Variants in TSPAN32 observed in about 807,000 individuals in gnomAD.
TSPAN32 encodes the protein tetraspanin-32.
In TSPAN32, 47 loss-of-function variants were observed where a neutral mutation model predicts 42.7. The ratio of observed to expected loss-of-function variants is 1.10; its 90% CI spans 0.87 to 1.40. TSPAN32 has a LOEUF of 1.40. TSPAN32 is among the 40% of genes most tolerant of loss of function. The pLI is 0.00. For missense variants in TSPAN32, 469 were observed against 424.1 expected, an observed-to-expected ratio of 1.11 and a Z score of -0.93; for synonymous variants, 175 against 175.9, an observed-to-expected ratio of 0.99 and a Z score of 0.04.
At position 2,317,945 on chromosome 11, in the gene TSPAN32, C is replaced by T; in HGVS notation, c.*21C>T. The T allele has an allele frequency of 1.1e-6, 1 of 888,754 alleles. No homozygotes were observed. The allele number at this position is 888,754 out of a possible 1,614,324, so 55.1% of individuals were successfully genotyped here. A position where few individuals can be genotyped will look rare whatever the true frequency, so the allele number is the denominator to read the frequency against. ...ACTGACGTCAGGCCTTGGTGGGCTG[C>T]ACTCTCACCTGGAGGCTCCGGGGAA... On this transcript the variant is annotated 3_prime_UTR_variant, in exon 10 of 10. Coordinates refer to ENST00000182290, the MANE Select transcript of TSPAN32 (RefSeq NM_139022.3). The surrounding 1 kb of genome is among the most constrained non-coding windows in gnomAD (Gnocchi z 6.2).
intron 5 of TSPAN32, among the ~76,000 whole-genome samples, chr11:2,314,111 C>T (rs1251203161): frequency 2.6e-5 from 4 of 151,424 alleles, no homozygotes; most frequent in Non-Finnish European, 5.9e-5. Flanking sequence ...TTGCTTGAGC[C>T]CAGGAGTTCG....
intron 2 of TSPAN32, 120 bp downstream of exon 2, chr11:2,303,078 G>A (rs550794098): frequency 5.4e-6 from 5 of 917,598 alleles, no homozygotes; most frequent in Non-Finnish European, 8.2e-6. Flanking sequence ...GGAGCCAGAG[G>A]TGGTCAGGGG....
At chr11:2,302,607 G>A (rs1159247689) in intron 1 of TSPAN32, 2 of 568,228 alleles carry the variant, frequency 3.5e-6, no homozygotes, top group Non-Finnish European at 6.3e-6. Context: ...GGTGTCTGGG[G>A]AAGCTGGGCT....
chr11:2,315,318 G>C, intron 6 of TSPAN32: 1 of 1,171,316 alleles, frequency 8.5e-7, no homozygotes, highest in Non-Finnish European at 1.1e-6. Context: ...GTGAGGGGTG[G>C]AGCCACAGCC....
At chr11:2,302,472 C>A (rs533560037) in intron 1 of TSPAN32, among the ~76,000 whole-genome samples, 1 of 152,082 alleles carries the variant, frequency 6.6e-6, no homozygotes, top group Non-Finnish European at 1.5e-5. Context: ...AGGCCTGGGG[C>A]GAGCTGGGGT....
At chr11:2,307,376 C>G (rs1378492492) in intron 3 of TSPAN32, among the ~76,000 whole-genome samples, 2 of 152,224 alleles carry the variant, frequency 1.3e-5, no homozygotes, top group Non-Finnish European at 2.9e-5. Context: ...CCAACCTGCT[C>G]CAGCCTGTGG....
intron 2 of TSPAN32, among the ~76,000 whole-genome samples, chr11:2,303,633 G>A (rs1246610827): frequency 6.6e-6 from 1 of 152,124 alleles, no homozygotes; most frequent in African/African-American, 2.4e-5. Flanking sequence ...TACTGCCTTA[G>A]AACCCAATGC....
intron 3 of TSPAN32, among the ~76,000 whole-genome samples, chr11:2,306,046 C>CTGTGTGTGTGTG (rs56961357): frequency 0.01 from 1,528 of 147,308 alleles, 15 homozygotes; most frequent in South Asian, 0.02. Context: ...GCAGGTGCCT[C>CTGTGTGTGTGTG]TGTGTGTGTG....
chr11:2,303,992 C>T, intron 2 of TSPAN32, 115 bp from the exon 3 acceptor site: 1 of 734,488 alleles, frequency 1.4e-6, no homozygotes, highest in Non-Finnish European at 2.3e-6. Flanking sequence ...CATTCAGAGC[C>T]CCCCAGGAGT....
At chr11:2,302,298 T>A (rs2074021) in intron 1 of TSPAN32, 83 bp downstream of exon 1, 1 of 1,282,150 alleles carries the variant, frequency 7.8e-7, no homozygotes, top group Non-Finnish European at 1.0e-6. Flanking sequence ...ACAGGGATTA[T>A]CCCTCCCCTG....
At chr11:2,307,812 G>A (rs558318540) in intron 3 of TSPAN32, among the ~76,000 whole-genome samples, 13 of 152,260 alleles carry the variant, frequency 8.5e-5, no homozygotes, top group Middle Eastern at 3.4e-3. Flanking sequence ...GTGGTTGGCC[G>A]GGCCATGGAG....
chr11:2,312,617 C>T (rs752051084), intron 4 of TSPAN32, among the ~76,000 whole-genome samples: 5 of 152,222 alleles, frequency 3.3e-5, no homozygotes, highest in African/African-American at 4.8e-5. Flanking sequence ...GCCCACTGCC[C>T]GCCCAGTTGG....
At chr11:2,314,177 AAG>A (rs1300697829) in intron 5 of TSPAN32, among the ~76,000 whole-genome samples, 13 of 150,588 alleles carry the variant, frequency 8.6e-5, no homozygotes, top group African/African-American at 3.2e-4. Flanking sequence ...AAAAAAAAAA[AAG>A]AAAAGAAAAA....
At position 2,317,317 on chromosome 11, in the gene TSPAN32, C is replaced by A; in HGVS notation, c.720-27C>A. Reference sequence around the variant, plus strand: ...AGGTCCCCTGTAGAACATTCCACCACAGCCCCATGATCCCCTTGCTCCTCA... The same window carrying A: ...AGGTCCCCTGTAGAACATTCCACCAAAGCCCCATGATCCCCTTGCTCCTCA... On this transcript the variant is annotated intron_variant, in intron 8 of 9. Transcript: ENST00000182290. The surrounding 1 kb of genome is among the most constrained non-coding windows in gnomAD (Gnocchi z 6.2). The A allele has an allele frequency of 6.4e-7, 1 of 1,558,306 alleles. No individual in the cohort carries two copies. Among genetic ancestry groups the A allele is most frequent in the Non-Finnish European group, 8.7e-7 (1 of 1,147,236 alleles).
At position 2,304,310 on chromosome 11, in the gene TSPAN32, G is replaced by A; in HGVS notation, c.279+106G>A. The stretch of plus-strand genomic sequence containing the variant: ...ACCCCCACACCTGAGTGACCAGGCA[G>A]AACCAGAGGCCCCAGGGATGCTGGC... On this transcript the variant is annotated intron_variant, in intron 3 of 9. Transcript: ENST00000182290. The surrounding 1 kb of genome is among the most constrained non-coding windows in gnomAD (Gnocchi z 4.8). 1.3e-6 allele frequency: 1 copy of A among 798,998 alleles called. No homozygotes were observed. The highest frequency in any genetic ancestry group is 1.9e-6 in the Non-Finnish European group (1 of 522,274). The allele number at this position is 798,998 out of a possible 1,614,324, so 49.5% of individuals were successfully genotyped here.
chr11:2,308,147 C>T (rs1336436594), intron 3 of TSPAN32, among the ~76,000 whole-genome samples: 1 of 152,132 alleles, frequency 6.6e-6, no homozygotes, highest in African/African-American at 2.4e-5. Flanking sequence ...CAACAGGCCC[C>T]TGGGGGCCAA....
At chr11:2,314,667 C>T in intron 6 of TSPAN32, 96 bp downstream of exon 6, 2 of 980,022 alleles carry the variant, frequency 2.0e-6, no homozygotes, top group Admixed American at 2.1e-5. Context: ...TCCCACCCCA[C>T]CCCTTGGCCT....
intron 4 of TSPAN32, among the ~76,000 whole-genome samples, chr11:2,309,716 C>T (rs1231921398): frequency 6.6e-6 from 1 of 152,234 alleles, no homozygotes; most frequent in Non-Finnish European, 1.5e-5. Context: ...TGGTAGCAGG[C>T]AGGTCCTCTG....
At chr11:2,315,349 G>A (rs1848721736) in intron 6 of TSPAN32, 3 of 1,160,906 alleles carry the variant, frequency 2.6e-6, no homozygotes, top group Non-Finnish European at 3.2e-6. Context: ...GGGCAGAAGG[G>A]CTGGCGCTGA....
Sources: gnomAD v4.1 joint callset for allele counts (sites outside exome capture counted in the v4.1 genomes callset) on GRCh38, gnomAD v4.1.1 for gene constraint, Gnocchi (gnomAD v3.1) non-coding constraint, MANE v1.5 for transcripts, NCBI Gene and HGNC (gene_info 2026-07-23, HGNC 2026-07-21) for gene names.